Variants in GPR176 observed in about 807,000 individuals in gnomAD.
GPR176 encodes the protein G protein-coupled receptor 176.
In GPR176, 26 loss-of-function variants were observed where a neutral mutation model predicts 35.4. The observed-to-expected ratio is 0.74, with a 90% CI of 0.54 to 1.02. The LOEUF (loss-of-function observed/expected upper bound fraction) is 1.02. Ranked by LOEUF, GPR176 falls within the 50% of genes least tolerant of loss-of-function variation. The probability of loss-of-function intolerance (pLI) is 0.00; values close to 1 mark genes in which losing one functional copy is unlikely to be tolerated. For synonymous variants in GPR176, 278 were observed against 271.3 expected, an observed-to-expected ratio of 1.02 and a Z score of -0.24; for missense variants, 597 against 665.3, an observed-to-expected ratio of 0.90 and a Z score of 1.13.
chr15:39,837,627 CAGT>C (rs547696218), intron 1 of GPR176, among the ~76,000 whole-genome samples: 5 of 152,038 alleles, frequency 3.3e-5, no homozygotes, highest in Admixed American at 2.0e-4. Context: ...GTAGTGGTAA[CAGT>C]AGTAGTAGTA....
Position 39,811,712 on chromosome 15 carries a change from C to G in GPR176, c.173-4454G>C, listed in dbSNP as rs180957013. On this transcript the variant is annotated intron_variant, in intron 1 of 2. Coordinates refer to ENST00000561100, the MANE Select transcript of GPR176 (RefSeq NM_007223.3). The stretch of plus-strand genomic sequence containing the variant: ...CGGGCAGATCACGAGGTCAGGAGAT[C>G]AAGACCATCCTGGCGAACATGGTGA... Among the ~76,000 whole-genome samples, 230 of 152,138 alleles carry G rather than the reference C, an allele frequency of 1.5e-3. 2 individuals carry two copies. The highest frequency in any genetic ancestry group is 2.4e-3 in the Non-Finnish European group (160 of 67,976).
intron 1 of GPR176, among the ~76,000 whole-genome samples, chr15:39,835,054 G>A (rs1297968396): frequency 6.6e-6 from 1 of 152,034 alleles, no homozygotes; most frequent in East Asian, 1.9e-4. Flanking sequence ...TTTCGCTCTT[G>A]TTGCCCAGGC....
At chr15:39,824,220 A>G (rs138463118) in intron 1 of GPR176, among the ~76,000 whole-genome samples, 1 of 152,340 alleles carries the variant, frequency 6.6e-6, no homozygotes, top group Non-Finnish European at 1.5e-5. Flanking sequence ...TGAGGCCAGA[A>G]GCAGATGCTG....
At chr15:39,907,254 C>T (rs1161936035) in intron 1 of GPR176, among the ~76,000 whole-genome samples, 1 of 152,238 alleles carries the variant, frequency 6.6e-6, no homozygotes, top group East Asian at 1.9e-4. Context: ...CTCCTCTCCA[C>T]CTTTCACCTC....
intron 1 of GPR176, among the ~76,000 whole-genome samples, chr15:39,839,272 T>G (rs916343692): frequency 1.3e-5 from 2 of 152,140 alleles, no homozygotes; most frequent in Admixed American, 6.6e-5. Flanking sequence ...AGCTTGGTAC[T>G]GGTACCAAAA....
intron 1 of GPR176, among the ~76,000 whole-genome samples, chr15:39,845,731 A>G (rs1382024654): frequency 6.6e-6 from 1 of 152,090 alleles, no homozygotes; most frequent in Non-Finnish European, 1.5e-5. Flanking sequence ...AGCTGGGCAA[A>G]CAGTATATCA....
At chr15:39,906,730 T>C (rs897334792) in intron 1 of GPR176, among the ~76,000 whole-genome samples, 4 of 152,232 alleles carry the variant, frequency 2.6e-5, no homozygotes, top group Non-Finnish European at 4.4e-5. Context: ...GCCATGTGTG[T>C]TTGAATCCTG....
chr15:39,805,509 G>C (rs887311782), intron 2 of GPR176, among the ~76,000 whole-genome samples: 1 of 151,904 alleles, frequency 6.6e-6, no homozygotes, highest in African/African-American at 2.4e-5. Context: ...ACCGAGTCTA[G>C]ATTCCTACAA....
intron 1 of GPR176, among the ~76,000 whole-genome samples, chr15:39,855,457 A>G (rs2031153055): frequency 6.6e-6 from 1 of 152,202 alleles, no homozygotes; most frequent in East Asian, 1.9e-4. Flanking sequence ...CTTAGAGATC[A>G]TGTATTTCCC....
chr15:39,888,380 G>C (rs56393971), intron 1 of GPR176, among the ~76,000 whole-genome samples: 1,894 of 152,074 alleles, frequency 0.012, 48 homozygotes, highest in African/African-American at 0.041. Context: ...TAAACTCCTG[G>C]GCTCAAGCAA....
chr15:39,910,380 T>C lies in GPR176; in HGVS notation c.172+9475A>G, dbSNP rs913331109. The stretch of plus-strand genomic sequence containing the variant: ...AGGCTGGTGGATCACCTGAAGTCAG[T>C]AGTTTAAGACCAGCCTGACCAACAT... On this transcript the variant is annotated intron_variant, in intron 1 of 2. Transcript: ENST00000561100. 4.6e-5 allele frequency among the ~76,000 whole-genome samples: 7 copies of C among 151,892 alleles called. No homozygotes were observed. In the East Asian group the frequency reaches 1.4e-3, roughly 30 times the overall value.
intron 1 of GPR176, among the ~76,000 whole-genome samples, chr15:39,858,062 C>T (rs2031355333): frequency 6.6e-6 from 1 of 151,830 alleles, no homozygotes. Flanking sequence ...GCCATAAGAC[C>T]TGGGGGCCAG....
intron 1 of GPR176, among the ~76,000 whole-genome samples, chr15:39,908,344 A>G (rs2140876017): frequency 6.6e-6 from 1 of 152,268 alleles, no homozygotes; most frequent in African/African-American, 2.4e-5. Context: ...TGGGCATCTG[A>G]TTTCCATTGC....
rs570176063 is a variant in GPR176 at position 39,905,812 on chromosome 15, G to A, written c.172+14043C>T. ...GTTGCCAAGGGTGAAGGAGGGGATC[G>A]GGTGGGAGGGAAATGGGTGTGGCCA... On this transcript the variant is annotated intron_variant, in intron 1 of 2. Transcript: ENST00000561100. Among the ~76,000 whole-genome samples the A allele has an allele frequency of 2.0e-4, 30 of 152,268 alleles. No individual in the cohort carries two copies. In the East Asian group the frequency reaches 3.5e-3, roughly 18 times the overall value.
Position 39,903,436 on chromosome 15 carries a change from T to C in GPR176, c.172+16419A>G, listed in dbSNP as rs147135384. On this transcript the variant is annotated intron_variant, in intron 1 of 2. Transcript: ENST00000561100. ...TCACAACTGTAAGTTTTATAAGCTC[T>C]CTTTAAAAATCCATATATTATTATG... 8.0e-3 allele frequency among the ~76,000 whole-genome samples: 1,220 copies of C among 152,298 alleles called. 16 individuals are homozygous for C. Among genetic ancestry groups the C allele is most frequent in the Middle Eastern group, 0.014 (4 of 294 alleles).
rs535291447 is a variant in GPR176, at chr15:39,871,594, T to C, written c.172+48261A>G. Reference sequence around the variant, plus strand: ...GTGCTCACCACATGCTCAAGTTGCCTTCTTCGATTGTCACCTTGACCTCAT... The same window carrying C: ...GTGCTCACCACATGCTCAAGTTGCCCTCTTCGATTGTCACCTTGACCTCAT... On this transcript the variant is annotated intron_variant, in intron 1 of 2. Transcript: ENST00000561100. Among the ~76,000 whole-genome samples, 193 of 152,330 alleles carry C rather than the reference T, an allele frequency of 1.3e-3. 1 individual carries two copies. The highest frequency in any genetic ancestry group is 4.2e-3 in the African/African-American group (174 of 41,574).
chr15:39,889,739 G>A (rs1184099426), intron 1 of GPR176, among the ~76,000 whole-genome samples: 2 of 152,174 alleles, frequency 1.3e-5, no homozygotes, highest in Non-Finnish European at 2.9e-5. Context: ...ACTCCTTGGA[G>A]GTAAGGACTT....
At chr15:39,868,800 T>C (rs1437747774) in intron 1 of GPR176, among the ~76,000 whole-genome samples, 1 of 152,090 alleles carries the variant, frequency 6.6e-6, no homozygotes, top group Non-Finnish European at 1.5e-5. Flanking sequence ...ACCTGGACAG[T>C]GTTGTGCCCA....
chr15:39,907,249 C>T (rs1234022912), intron 1 of GPR176, among the ~76,000 whole-genome samples: 1 of 152,250 alleles, frequency 6.6e-6, no homozygotes, highest in African/African-American at 2.4e-5. Context: ...CTTTGCTCCT[C>T]TCCACCTTTC....
Sources: allele counts gnomAD v4.1 joint callset (sites outside exome capture counted in the v4.1 genomes callset), GRCh38; gene constraint gnomAD v4.1.1; transcripts MANE v1.5; gene names NCBI Gene and HGNC (gene_info 2026-07-23, HGNC 2026-07-21).